The following PLA2G12A variants were observed in gnomAD, a reference collection of about 807,000 sequenced individuals.
The protein encoded by PLA2G12A is group XIIA secretory phospholipase A2.
In PLA2G12A, 11 loss-of-function variants were observed where a neutral mutation model predicts 16.0. The observed-to-expected ratio is 0.69, with a 90% CI of 0.43 to 1.13. The LOEUF is 1.13. Ranked by LOEUF, PLA2G12A falls within the 50% of genes most tolerant of loss-of-function variation. The probability of loss-of-function intolerance (pLI) is 0.00; values close to 1 mark genes in which losing one functional copy is unlikely to be tolerated. For synonymous variants in PLA2G12A, 77 were observed against 93.8 expected (o/e 0.82, Z 1.03); for missense variants, 214 against 237.3 (o/e 0.90, Z 0.65).
At chr4:109,715,871 A>C (rs1416864300) in intron 3 of PLA2G12A, among the ~76,000 whole-genome samples, 4 of 152,240 alleles carry the variant, frequency 2.6e-5, no homozygotes, top group Non-Finnish European at 5.9e-5. Flanking sequence ...AGATTATCTT[A>C]ACATGTTACA....
At chr4:109,720,948 G>A (rs910974276) in intron 1 of PLA2G12A, among the ~76,000 whole-genome samples, 8 of 152,056 alleles carry the variant, frequency 5.3e-5, no homozygotes, top group African/African-American at 1.9e-4. Flanking sequence ...GCACATGCCT[G>A]TAATCCCAGC....
At position 109,710,553 on chromosome 4, in the gene PLA2G12A, C is replaced by T. The variant is rs762473205; in HGVS notation, c.*3824G>A. 6.6e-6 allele frequency: 1 copy of T among 152,282 alleles called. No individual in the cohort carries two copies. Among genetic ancestry groups the T allele is most frequent in the Non-Finnish European group, 1.5e-5 (1 of 68,070 alleles). 9.4% of individuals were successfully genotyped at this position (152,282 alleles called of 1,614,324 possible). A position where few individuals can be genotyped will look rare whatever the true frequency, so the allele number is the denominator to read the frequency against. On this transcript the variant is annotated 3_prime_UTR_variant, in exon 4 of 4. Transcript: ENST00000243501. ...CAATCTCAGCTCACTGCAACCTCTG[C>T]TTCCCAGGTTCAACCAATTCTTGTG...
intron 1 of PLA2G12A, among the ~76,000 whole-genome samples, chr4:109,723,212 TAA>T (rs11385396): frequency 6.7e-6 from 1 of 149,396 alleles, no homozygotes; most frequent in Non-Finnish European, 1.5e-5. Context: ...TAGACAGTAG[TAA>T]AAAAAAAAAA....
intron 1 of PLA2G12A, among the ~76,000 whole-genome samples, chr4:109,719,285 T>C (rs551475612): frequency 7.2e-5 from 11 of 152,174 alleles, no homozygotes; most frequent in Non-Finnish European, 1.3e-4. Flanking sequence ...CTGATGATCA[T>C]TCAATAACCT....
At chr4:109,728,714 C>A (rs1722986136) in intron 1 of PLA2G12A, among the ~76,000 whole-genome samples, 1 of 152,192 alleles carries the variant, frequency 6.6e-6, no homozygotes, top group African/African-American at 2.4e-5. Context: ...CAGGTTCCAA[C>A]AATGAAGTCA....
At chr4:109,727,847 A>G (rs976910713) in intron 1 of PLA2G12A, among the ~76,000 whole-genome samples, 1 of 152,252 alleles carries the variant, frequency 6.6e-6, no homozygotes, top group African/African-American at 2.4e-5. Context: ...CAGTATTTTA[A>G]CAAGGCTGGT....
chr4:109,729,844 G>A lies in PLA2G12A; in HGVS notation c.-35C>T. On this transcript the variant is annotated 5_prime_UTR_variant, in exon 1 of 4. Coordinates refer to ENST00000243501, the MANE Select transcript of PLA2G12A (RefSeq NM_030821.5). ...GCCGGGCTCTACGGGTCCCCGAGCC[G>A]CGGCGCGGGGCGCGTCCCCACAGAG... is the stretch of plus-strand genomic sequence containing the variant. 2.6e-6 allele frequency: 4 copies of A among 1,526,034 alleles called. No homozygotes were observed. The highest frequency in any genetic ancestry group is 2.8e-5 in the African/African-American group (2 of 72,094). 94.5% of individuals were successfully genotyped at this position (1,526,034 alleles called of 1,614,324 possible).
At chr4:109,728,668 CATG>C (rs1278804033) in intron 1 of PLA2G12A, among the ~76,000 whole-genome samples, 1 of 152,198 alleles carries the variant, frequency 6.6e-6, no homozygotes, top group Non-Finnish European at 1.5e-5. Context: ...CATAGGTTTA[CATG>C]ATACCAGTTC....
rs1401947094 is a variant in PLA2G12A at position 109,712,142 on chromosome 4, A to G, written c.*2235T>C. ...ATGACATTAATTAAAAAACTAGTAC[A>G]ATCTGAAAAATAAAGTCAAAGTTCC... is the stretch of plus-strand genomic sequence containing the variant. On this transcript the variant is annotated 3_prime_UTR_variant, in exon 4 of 4. Transcript: ENST00000243501. The G allele has an allele frequency of 6.6e-6, 1 of 152,214 alleles. No individual in the cohort carries two copies. The highest frequency in any genetic ancestry group is 1.5e-5 in the Non-Finnish European group (1 of 68,038). 9.4% of individuals were successfully genotyped at this position (152,214 alleles called of 1,614,324 possible). A position where few individuals can be genotyped will look rare whatever the true frequency, so the allele number is the denominator to read the frequency against.
intron 1 of PLA2G12A, among the ~76,000 whole-genome samples, chr4:109,729,274 C>G (rs1722998539): frequency 6.6e-6 from 1 of 152,008 alleles, no homozygotes; most frequent in South Asian, 2.1e-4. Context: ...CTGTTCCACT[C>G]TATTCCCATG....
At chr4:109,726,840 A>AT (rs1032936813) in intron 1 of PLA2G12A, among the ~76,000 whole-genome samples, 6 of 152,252 alleles carry the variant, frequency 3.9e-5, no homozygotes, top group Admixed American at 3.3e-4. Flanking sequence ...GGCCAAAACT[A>AT]AGGGAGCAAG....
chr4:109,721,319 CTTT>C (rs531961276), intron 1 of PLA2G12A, among the ~76,000 whole-genome samples: 2 of 136,572 alleles, frequency 1.5e-5, no homozygotes, highest in African/African-American at 2.7e-5. Flanking sequence ...GTCCTTCATT[CTTT>C]TTTTTTTTTT....
chr4:109,723,579 A>C (rs1049677706), intron 1 of PLA2G12A, among the ~76,000 whole-genome samples: 32 of 152,188 alleles, frequency 2.1e-4, no homozygotes, highest in Non-Finnish European at 1.5e-4. Flanking sequence ...GCCCTAACAC[A>C]CTATAAATCT....
At chr4:109,723,212 T>TAAAA (rs11385396) in intron 1 of PLA2G12A, among the ~76,000 whole-genome samples, 2 of 149,400 alleles carry the variant, frequency 1.3e-5, no homozygotes, top group Non-Finnish European at 3.0e-5. Context: ...TAGACAGTAG[T>TAAAA]AAAAAAAAAA....
At position 109,710,199 on chromosome 4, in the gene PLA2G12A, A is replaced by T. The variant is rs772630672; in HGVS notation, c.*4178T>A. Reference sequence around the variant, plus strand: ...TGCAAGTAATTTCTATGAATTTTGAACAATACAATGTAGTGTATGTGGAAA... The same window carrying T: ...TGCAAGTAATTTCTATGAATTTTGATCAATACAATGTAGTGTATGTGGAAA... On this transcript the variant is annotated 3_prime_UTR_variant, in exon 4 of 4. Transcript: ENST00000243501. 7 of 152,224 alleles carry T rather than the reference A, an allele frequency of 4.6e-5. No individual in the cohort carries two copies. Among genetic ancestry groups the T allele is most frequent in the African/African-American group, 7.2e-5 (3 of 41,456 alleles). 9.4% of individuals were successfully genotyped at this position (152,224 alleles called of 1,614,324 possible).
In PLA2G12A at chr4:109,729,749, T is replaced by C. The variant is rs767241912; in HGVS notation, c.61A>G (p.Arg21Gly). 2.8e-5 allele frequency: 45 copies of C among 1,588,578 alleles called. No homozygotes were observed. In the Middle Eastern group the frequency reaches 9.0e-4, roughly 32 times the overall value. The change falls in exon 1 of 4, where the codon AGG becomes GGG. Residue 21 changes from arginine (R) to glycine (G), a missense_variant. Transcript: ENST00000243501. The part of the protein sequence containing the change: ...LLLLLMAAVV[R>G]CQEQAQTTDW... ...GTGGTCTGGGCCTGCTCCTGGCACC[T>C]GACAACAGCGGCCATGAGGAGGAGC...
In PLA2G12A at chr4:109,730,064, C is replaced by T. The variant is rs1579129225; in HGVS notation, c.-255G>A. 1.4e-5 allele frequency: 5 copies of T among 365,358 alleles called. No homozygotes were observed. In the East Asian group the frequency reaches 1.5e-4, roughly 11 times the overall value. 22.6% of individuals were successfully genotyped at this position (365,358 alleles called of 1,614,324 possible). A position where few individuals can be genotyped will look rare whatever the true frequency, so the allele number is the denominator to read the frequency against. ...CGCTCACCTGGGCCAGCAACCGTCC[C>T]CTGTGCGCCTGCGCCGGAGCACGGC... On this transcript the variant is annotated 5_prime_UTR_variant, in exon 1 of 4. Coordinates refer to ENST00000243501, the MANE Select transcript of PLA2G12A (RefSeq NM_030821.5).
At chr4:109,720,647 AT>A (rs1561272163) in intron 1 of PLA2G12A, among the ~76,000 whole-genome samples, 6 of 136,562 alleles carry the variant, frequency 4.4e-5, no homozygotes, top group African/African-American at 1.6e-4. Context: ...ATATATATGA[AT>A]TTTAAAAAAA....
chr4:109,718,680 T>C lies in PLA2G12A; in HGVS notation c.285+3A>G. 6.3e-7 allele frequency: 1 copy of C among 1,581,212 alleles called. No homozygotes were observed. Among genetic ancestry groups the C allele is most frequent in the African/African-American group, 1.4e-5 (1 of 73,820 alleles). ...AACTTATCAAATAAAAGACAATATTTACATGAACACCAAACAGTGGAGAGC... is the reference window on the plus strand; with the variant it reads ...AACTTATCAAATAAAAGACAATATTCACATGAACACCAAACAGTGGAGAGC... On this transcript the variant is annotated splice_donor_region_variant and intron_variant, in intron 2 of 3. Transcript: ENST00000243501.
Sources: gnomAD v4.1 joint callset for allele counts (sites outside exome capture counted in the v4.1 genomes callset) on GRCh38, gnomAD v4.1.1 for gene constraint, MANE v1.5 for transcripts, NCBI Gene and HGNC (gene_info 2026-07-23, HGNC 2026-07-21) for gene names.